RGS8: variants seen among roughly 807,000 people sequenced by gnomAD.
The protein encoded by RGS8 is regulator of G protein signaling 8, also known as regulator of G-protein signaling 8.
RGS8 carries 8 observed loss-of-function variants against 21.7 expected under a neutral mutation model. The observed-to-expected ratio is 0.37, with a 90% CI of 0.22 to 0.66. The LOEUF is 0.66. Ranked by LOEUF, RGS8 falls within the 30% of genes least tolerant of loss-of-function variation. RGS8 has a pLI of 0.59. For missense variants in RGS8, 157 were observed against 217.9 expected, an observed-to-expected ratio of 0.72 and a Z score of 1.76; for synonymous variants, 80 against 83.6, an observed-to-expected ratio of 0.96 and a Z score of 0.24.
At chr1:182,716,738 A>T in the RGS8 span, among the ~76,000 whole-genome samples, 139 of 152,236 alleles carry the variant, frequency 9.1e-4, 1 homozygote, top group East Asian at 8.9e-3. Context: ...CTTAGCTATG[A>T]TGCAATTTGG....
chr1:182,683,992 C>T (rs1020705313), intron 1 of RGS8, among the ~76,000 whole-genome samples: 4 of 152,176 alleles, frequency 2.6e-5, no homozygotes, highest in African/African-American at 9.7e-5. Context: ...TATCAACCTA[C>T]AATATTTTCA....
chr1:182,651,617 T>G (rs1260544929), intron 5 of RGS8, among the ~76,000 whole-genome samples: 1 of 152,192 alleles, frequency 6.6e-6, no homozygotes, highest in Non-Finnish European at 1.5e-5. Context: ...AATCATAAAA[T>G]CCTTGCCCAT....
chr1:182,750,296 A>C, the RGS8 span, among the ~76,000 whole-genome samples: 1 of 152,168 alleles, frequency 6.6e-6, no homozygotes, highest in Admixed American at 6.5e-5. Flanking sequence ...TCCCATGTCC[A>C]CATTTTTTAG....
At chr1:182,648,387 T>A in intron 5 of RGS8, 84 bp from the exon 7 acceptor site, 1 of 1,392,876 alleles carries the variant, frequency 7.2e-7, no homozygotes, top group Non-Finnish European at 9.8e-7. Context: ...GAAGTAATAG[T>A]GTGAGGGTGC....
the RGS8 span, among the ~76,000 whole-genome samples, chr1:182,750,877 T>A: frequency 4.6e-5 from 7 of 152,018 alleles, no homozygotes; most frequent in African/African-American, 1.7e-4. Context: ...AGCTACAACT[T>A]AAGGCAGAAT....
intron 3 of RGS8, 60 bp from the exon 5 acceptor site, chr1:182,667,033 T>G: frequency 7.3e-7 from 1 of 1,372,600 alleles, no homozygotes; most frequent in Non-Finnish European, 1.0e-6. Flanking sequence ...CTGTCAGCTC[T>G]ATACAGGGCC....
At chr1:182,724,325 A>G in the RGS8 span, among the ~76,000 whole-genome samples, 1 of 149,294 alleles carries the variant, frequency 6.7e-6, no homozygotes, top group Non-Finnish European at 1.5e-5. Context: ...AAAGGACAGA[A>G]AAAAGAAGAC....
chr1:182,665,423 A>C (rs1571335444), intron 5 of RGS8, among the ~76,000 whole-genome samples: 1 of 152,246 alleles, frequency 6.6e-6, no homozygotes, highest in East Asian at 1.9e-4. Flanking sequence ...AGGATAGCAG[A>C]AGTTGTATTC....
chr1:182,683,426 G>C (rs1664603367), intron 1 of RGS8, among the ~76,000 whole-genome samples: 1 of 152,046 alleles, frequency 6.6e-6, no homozygotes, highest in South Asian at 2.1e-4. Flanking sequence ...CTTCAAATCT[G>C]TAAGAACAAA....
At chr1:182,662,566 G>A (rs1663644128) in intron 5 of RGS8, among the ~76,000 whole-genome samples, 1 of 152,198 alleles carries the variant, frequency 6.6e-6, no homozygotes, top group South Asian at 2.1e-4. Context: ...TTGTCCAAAA[G>A]CATGTTCCCC....
Position 182,657,785 on chromosome 1 carries a change from G to A in RGS8, c.193+8184C>T, listed in dbSNP as rs1017656078. 2.0e-5 allele frequency among the ~76,000 whole-genome samples: 3 copies of A among 152,214 alleles called. No individual in the cohort carries two copies. The East Asian group carries it at 5.8e-4, about 29-fold the overall frequency. On this transcript the variant is annotated intron_variant, in intron 5 of 6. Coordinates refer to ENST00000483095, the Ensembl canonical transcript of RGS8. Reference sequence around the variant, plus strand: ...GTTCATACATGTAAACAACATGCAGGCCTGACACATAGACAGTGATTGTTC... The same window carrying A: ...GTTCATACATGTAAACAACATGCAGACCTGACACATAGACAGTGATTGTTC...
At chr1:182,685,417 G>A (rs1320158433), upstream of RGS8, among the ~76,000 whole-genome samples, 1 of 152,236 alleles carries the variant, frequency 6.6e-6, no homozygotes, top group South Asian at 2.1e-4. Flanking sequence ...ATGCACATGA[G>A]GCAGGTTCAC....
chr1:182,674,185 C>T (rs1313787286), upstream of RGS8, among the ~76,000 whole-genome samples: 1 of 152,142 alleles, frequency 6.6e-6, no homozygotes, highest in Non-Finnish European at 1.5e-5. Context: ...CACGCTGCCC[C>T]GGCCAGTGTC....
intron 5 of RGS8, among the ~76,000 whole-genome samples, chr1:182,662,022 T>G (rs1571329198): frequency 6.6e-6 from 1 of 152,298 alleles, no homozygotes; most frequent in Admixed American, 6.5e-5. Flanking sequence ...TTTTTAAGAG[T>G]GCTTAGCTAG....
At chr1:182,700,152 G>T in the RGS8 span, among the ~76,000 whole-genome samples, 37 of 152,162 alleles carry the variant, frequency 2.4e-4, no homozygotes, top group African/African-American at 8.7e-4. Context: ...CCCAATTCTC[G>T]GCTCCGGCGA....
intron 5 of RGS8, among the ~76,000 whole-genome samples, chr1:182,648,958 G>C (rs1662849910): frequency 6.6e-6 from 1 of 152,098 alleles, no homozygotes; most frequent in Non-Finnish European, 1.5e-5. Flanking sequence ...GAATTAGCTG[G>C]GTGTGGTGGT....
chr1:182,705,456 A>T, the RGS8 span, among the ~76,000 whole-genome samples: 1 of 152,184 alleles, frequency 6.6e-6, no homozygotes, highest in East Asian at 1.9e-4. Context: ...CCACAGTCAC[A>T]CTCAGAAGTA....
upstream of RGS8, chr1:182,672,915 C>A: frequency 7.0e-7 from 1 of 1,430,860 alleles, no homozygotes; most frequent in Non-Finnish European, 9.9e-7. Flanking sequence ...GTCCCTGAAC[C>A]AGCAGTGTCA....
chr1:182,661,141 A>AT (rs1490897025), intron 5 of RGS8, among the ~76,000 whole-genome samples: 1 of 151,388 alleles, frequency 6.6e-6, no homozygotes, highest in Non-Finnish European at 1.5e-5. Flanking sequence ...CAGTCATTAT[A>AT]TTTTTATATC....
Sources: allele counts gnomAD v4.1 joint callset (sites outside exome capture counted in the v4.1 genomes callset), GRCh38; gene constraint gnomAD v4.1.1; transcripts MANE v1.5; gene names NCBI Gene and HGNC (gene_info 2026-07-23, HGNC 2026-07-21).